The following NIBAN2 variants were observed in gnomAD, a reference collection of about 807,000 sequenced individuals.
The protein encoded by NIBAN2 is protein Niban 2.
In NIBAN2, 36 loss-of-function variants were observed where a neutral mutation model predicts 81.8. That is an observed-to-expected ratio of 0.44 (90% CI 0.34 to 0.58). The LOEUF (loss-of-function observed/expected upper bound fraction) is 0.58, where lower values mean the gene tolerates loss of function less well. Ranked by LOEUF, NIBAN2 falls within the 20% of genes least tolerant of loss-of-function variation. NIBAN2 has a pLI of 0.02. For missense variants in NIBAN2, 897 were observed against 1,014.1 expected, an observed-to-expected ratio of 0.88 and a Z score of 1.57; for synonymous variants, 445 against 441.6, an observed-to-expected ratio of 1.01 and a Z score of -0.10.
At chr9:127,558,050 T>TC (rs1837706158) in intron 1 of NIBAN2, among the ~76,000 whole-genome samples, 1 of 150,614 alleles carries the variant, frequency 6.6e-6, no homozygotes, top group African/African-American at 2.4e-5. Context: ...GGCTGCCCCT[T>TC]CCCCCTCCTC....
Position 127,559,671 on chromosome 9 carries a change from A to T in NIBAN2, c.55+9149T>A, listed in dbSNP as rs1296611407. 6.6e-6 allele frequency among the ~76,000 whole-genome samples: 1 copy of T among 152,228 alleles called. No homozygotes were observed. The highest frequency in any genetic ancestry group is 1.5e-5 in the Non-Finnish European group (1 of 68,038). On this transcript the variant is annotated intron_variant, in intron 1 of 13. Coordinates refer to ENST00000373312, the MANE Select transcript of NIBAN2 (RefSeq NM_022833.4). The surrounding 1 kb of genome is among the most constrained non-coding windows in gnomAD (Gnocchi z 4.0). ...GCAGTTGGCTTGGCCACAGATGGGCAGGTGGGAAAGTGGGGTCTGCACTTT... is the reference window on the plus strand; with the variant it reads ...GCAGTTGGCTTGGCCACAGATGGGCTGGTGGGAAAGTGGGGTCTGCACTTT...
At chr9:127,539,386 GCTTTACTAT>G (rs963033562) in intron 1 of NIBAN2, among the ~76,000 whole-genome samples, 1 of 152,124 alleles carries the variant, frequency 6.6e-6, no homozygotes, top group African/African-American at 2.4e-5. Context: ...GCAACACAAG[GCTTTACTAT>G]CCTCATCTTA....
At position 127,508,666 on chromosome 9, in the gene NIBAN2, G is replaced by A; in HGVS notation, c.1318-128C>T. On this transcript the variant is annotated intron_variant, in intron 10 of 13. Coordinates refer to ENST00000373312, the MANE Select transcript of NIBAN2 (RefSeq NM_022833.4). This position sits in a 1 kb window ranked among gnomAD's most constrained non-coding sequence, Gnocchi z 6.4. Reference sequence around the variant, plus strand: ...GCCTGCCAGGGAGGAATGGCAAGCGGTCTATGCCCACTCACAGCTCTGCAC... The same window carrying A: ...GCCTGCCAGGGAGGAATGGCAAGCGATCTATGCCCACTCACAGCTCTGCAC... The A allele has an allele frequency of 1.2e-6, 1 of 824,820 alleles. No homozygotes were observed. The highest frequency in any genetic ancestry group is 2.0e-6 in the Non-Finnish European group (1 of 489,366). 51.1% of individuals were successfully genotyped at this position (824,820 alleles called of 1,614,324 possible).
Position 127,536,280 on chromosome 9 carries a change from T to G in NIBAN2, c.56-4502A>C, listed in dbSNP as rs1837277211. Among the ~76,000 whole-genome samples, 1 of 152,148 alleles carries G rather than the reference T, an allele frequency of 6.6e-6. No homozygotes were observed. Among genetic ancestry groups the G allele is most frequent in the Admixed American group, 6.5e-5 (1 of 15,284 alleles). On this transcript the variant is annotated intron_variant, in intron 1 of 13. Coordinates refer to ENST00000373312, the MANE Select transcript of NIBAN2 (RefSeq NM_022833.4). The surrounding 1 kb of genome is among the most constrained non-coding windows in gnomAD (Gnocchi z 4.0). ...CAGCAGCATTGGGAGGGGGCCAGCCTGGACAAAGGGCTTGCAGGGCCTTCC... is the reference window on the plus strand; with the variant it reads ...CAGCAGCATTGGGAGGGGGCCAGCCGGGACAAAGGGCTTGCAGGGCCTTCC...
intron 2 of NIBAN2, 72 bp from the exon 3 acceptor site, chr9:127,527,394 C>A: frequency 6.9e-7 from 1 of 1,454,178 alleles, no homozygotes; most frequent in Non-Finnish European, 9.6e-7. Context: ...GCTGATGGCC[C>A]AGCCAGCAGA....
intron 2 of NIBAN2, among the ~76,000 whole-genome samples, chr9:127,530,466 T>C (rs1386904175): frequency 6.6e-6 from 1 of 151,926 alleles, no homozygotes; most frequent in Non-Finnish European, 1.5e-5. Context: ...GGAGGATCTC[T>C]TGAGTCCCGC....
At chr9:127,529,138 G>A (rs768697566) in intron 2 of NIBAN2, among the ~76,000 whole-genome samples, 3 of 152,208 alleles carry the variant, frequency 2.0e-5, no homozygotes, top group African/African-American at 4.8e-5. Context: ...TAGACTCTGC[G>A]AAGCTCTCCA....
chr9:127,518,949 G>T (rs1298168664), intron 5 of NIBAN2, among the ~76,000 whole-genome samples: 1 of 152,114 alleles, frequency 6.6e-6, no homozygotes, highest in African/African-American at 2.4e-5. Context: ...TGAGGTGGGG[G>T]AAATCACTTG....
chr9:127,536,156 G>A lies in NIBAN2; in HGVS notation c.56-4378C>T, dbSNP rs1333199369. 3.3e-5 allele frequency among the ~76,000 whole-genome samples: 5 copies of A among 152,168 alleles called. No individual in the cohort carries two copies. In the East Asian group the frequency reaches 9.6e-4, roughly 29 times the overall value. The stretch of plus-strand genomic sequence containing the variant: ...GTCCTCAGCCAGCATGGAAGGAACC[G>A]CCACGTGCTTTGTACAGAGGAAGTA... On this transcript the variant is annotated intron_variant, in intron 1 of 13. Transcript: ENST00000373312. This position sits in a 1 kb window ranked among gnomAD's most constrained non-coding sequence, Gnocchi z 4.0.
intron 8 of NIBAN2, among the ~76,000 whole-genome samples, chr9:127,514,975 G>A (rs1444407810): frequency 2.0e-4 from 30 of 151,982 alleles, no homozygotes; most frequent in Non-Finnish European, 5.9e-5. Context: ...ACCAGCCTGG[G>A]CAACACAGTA....
intron 8 of NIBAN2, among the ~76,000 whole-genome samples, chr9:127,515,116 C>T (rs969152043): frequency 2.0e-5 from 3 of 152,118 alleles, no homozygotes; most frequent in Admixed American, 6.5e-5. Context: ...GTCCCAGTTA[C>T]GCAGGAGGCT....
rs1159043611 is a variant in NIBAN2, at chr9:127,563,394, G to C, written c.55+5426C>G. ...CAGGCCCAGGCACTGCTTCCGGCCA[G>C]CCTGGTCTCTCTGCAAAGTCCAGGG... On this transcript the variant is annotated intron_variant, in intron 1 of 13. Transcript: ENST00000373312. This position sits in a 1 kb window ranked among gnomAD's most constrained non-coding sequence, Gnocchi z 4.1. Among the ~76,000 whole-genome samples the C allele has an allele frequency of 6.6e-6, 1 of 152,292 alleles. No homozygotes were observed. Among genetic ancestry groups the C allele is most frequent in the African/African-American group, 2.4e-5 (1 of 41,478 alleles).
chr9:127,531,750 G>T lies in NIBAN2; in HGVS notation c.84C>A (p.Phe28Leu). The change falls in exon 2 of 14, where the codon TTC becomes TTA. Residue 28 changes from phenylalanine (F) to leucine (L), a missense_variant. Physicochemically the swap from Phe to Leu is conservative, Grantham distance 22 (BLOSUM62 0). Coordinates refer to ENST00000373312, the MANE Select transcript of NIBAN2 (RefSeq NM_022833.4). ...CATACTGGTCTTCATAGAACTGGAG[G>T]AACTCCGTCAGGATCTTCCCGGTTT... is the stretch of plus-strand genomic sequence containing the variant. ...AEKTGKILTE[F>L]LQFYEDQYGV... 1 of 1,614,210 alleles carries T rather than the reference G, an allele frequency of 6.2e-7. No individual in the cohort carries two copies. The highest frequency in any genetic ancestry group is 8.5e-7 in the Non-Finnish European group (1 of 1,180,036).
In NIBAN2 at chr9:127,536,483, T is replaced by C. The variant is rs1024331372; in HGVS notation, c.56-4705A>G. On this transcript the variant is annotated intron_variant, in intron 1 of 13. Transcript: ENST00000373312. This position sits in a 1 kb window ranked among gnomAD's most constrained non-coding sequence, Gnocchi z 4.0. Reference sequence around the variant, plus strand: ...TCCCTGCAGTGGCTCTCCCCCGGCATTGTTGCTTCAGGATTTTACAACTCA... The same window carrying C: ...TCCCTGCAGTGGCTCTCCCCCGGCACTGTTGCTTCAGGATTTTACAACTCA... Among the ~76,000 whole-genome samples the C allele has an allele frequency of 3.9e-5, 6 of 152,212 alleles. No individual in the cohort carries two copies. Among genetic ancestry groups the C allele is most frequent in the African/African-American group, 1.2e-4 (5 of 41,466 alleles).
intron 1 of NIBAN2, among the ~76,000 whole-genome samples, chr9:127,577,137 G>A (rs1588198472): frequency 1.3e-5 from 2 of 151,868 alleles, no homozygotes; most frequent in Middle Eastern, 3.4e-3. Flanking sequence ...GTGAAAGCCC[G>A]TCTCTACTAA....
In NIBAN2 at chr9:127,559,089, T is replaced by C. The variant is rs1837726822; in HGVS notation, c.55+9731A>G. Among the ~76,000 whole-genome samples, 1 of 152,110 alleles carries C rather than the reference T, an allele frequency of 6.6e-6. No homozygotes were observed. Among genetic ancestry groups the C allele is most frequent in the Non-Finnish European group, 1.5e-5 (1 of 68,008 alleles). On this transcript the variant is annotated intron_variant, in intron 1 of 13. Coordinates refer to ENST00000373312, the MANE Select transcript of NIBAN2 (RefSeq NM_022833.4). The surrounding 1 kb of genome is among the most constrained non-coding windows in gnomAD (Gnocchi z 4.0). ...GGCCGACTGAGTGCTGAAACCAACA[T>C]ACACTCTGGGAAACAAAGATCCACG...
intron 3 of NIBAN2, among the ~76,000 whole-genome samples, chr9:127,526,207 C>A (rs529587104): frequency 6.6e-6 from 1 of 151,902 alleles, no homozygotes; most frequent in Non-Finnish European, 1.5e-5. Flanking sequence ...CAAGACCATC[C>A]GGGCCAACAT....
In NIBAN2 at chr9:127,545,169, C is replaced by T. The variant is rs1312052170; in HGVS notation, c.56-13391G>A. 1.3e-5 allele frequency among the ~76,000 whole-genome samples: 2 copies of T among 152,162 alleles called. No individual in the cohort carries two copies. The highest frequency in any genetic ancestry group is 2.9e-5 in the Non-Finnish European group (2 of 68,020). Reference sequence around the variant, plus strand: ...TCCCACGTCTACAGTGCCCTCCTAGCGTCCACCCCTTGTGCCTGGCCAACT... The same window carrying T: ...TCCCACGTCTACAGTGCCCTCCTAGTGTCCACCCCTTGTGCCTGGCCAACT... On this transcript the variant is annotated intron_variant, in intron 1 of 13. Coordinates refer to ENST00000373312, the MANE Select transcript of NIBAN2 (RefSeq NM_022833.4). The surrounding 1 kb of genome is among the most constrained non-coding windows in gnomAD (Gnocchi z 4.7).
Position 127,545,438 on chromosome 9 carries a change from T to A in NIBAN2, c.56-13660A>T, listed in dbSNP as rs1317081680. ...CCCAGGGGGGTGCTTGATAAACAAG[T>A]GCCGAACAAGTGTTAGGTCACCCAG... is the stretch of plus-strand genomic sequence containing the variant. On this transcript the variant is annotated intron_variant, in intron 1 of 13. Coordinates refer to ENST00000373312, the MANE Select transcript of NIBAN2 (RefSeq NM_022833.4). The surrounding 1 kb of genome is among the most constrained non-coding windows in gnomAD (Gnocchi z 4.7). 6.6e-6 allele frequency among the ~76,000 whole-genome samples: 1 copy of A among 152,016 alleles called. No individual in the cohort carries two copies. Among genetic ancestry groups the A allele is most frequent in the African/African-American group, 2.4e-5 (1 of 41,396 alleles).
Sources: gnomAD v4.1 joint callset for allele counts (sites outside exome capture counted in the v4.1 genomes callset) on GRCh38, gnomAD v4.1.1 for gene constraint, Gnocchi (gnomAD v3.1) non-coding constraint, MANE v1.5 for transcripts, NCBI Gene and HGNC (gene_info 2026-07-23, HGNC 2026-07-21) for gene names.